Variants in TSPAN17 observed in about 807,000 individuals in gnomAD.
TSPAN17 encodes the protein tetraspanin-17.
TSPAN17 carries 33 observed loss-of-function variants against 40.5 expected under a neutral mutation model. The ratio of observed to expected loss-of-function variants is 0.81; its 90% CI spans 0.62 to 1.09. The LOEUF (loss-of-function observed/expected upper bound fraction) is 1.09. Ranked by LOEUF, TSPAN17 falls within the 50% of genes least tolerant of loss-of-function variation. The pLI is 0.00. For synonymous variants in TSPAN17, 166 were observed against 169.4 expected (o/e 0.98, Z 0.15); for missense variants, 365 against 416.8 (o/e 0.88, Z 1.08).
At position 176,651,882 on chromosome 5, in the gene TSPAN17, C is replaced by T. The variant is rs779414946; in HGVS notation, c.267C>T (p.Asn89=). The T allele has an allele frequency of 6.2e-7, 1 of 1,614,052 alleles. No individual in the cohort carries two copies. Among genetic ancestry groups the T allele is most frequent in the Non-Finnish European group, 8.5e-7 (1 of 1,179,996 alleles). The change falls in exon 3 of 9, where the codon AAC becomes AAT. Residue 89 remains asparagine, a synonymous_variant. Transcript: ENST00000508164. This position sits in a 1 kb window ranked among gnomAD's most constrained non-coding sequence, Gnocchi z 4.5. ...GCTGCATTGGGGCCCTCCGGGAGAACACCTTCCTGCTCAAGTTTGTGAGTG... is the reference window on the plus strand; with the variant it reads ...GCTGCATTGGGGCCCTCCGGGAGAATACCTTCCTGCTCAAGTTTGTGAGTG... ...FAGCIGALRE[N]TFLLKFFSVF... is the part of the protein sequence containing the mutation.
In TSPAN17 at chr5:176,654,628, C is replaced by T. The variant is rs1360109393; in HGVS notation, c.457-267C>T. ...CTGGAGGAAGCCACAGTCATTGAACCAGTATCCTTGTCCCACTCCCTCCCT... is the reference window on the plus strand; with the variant it reads ...CTGGAGGAAGCCACAGTCATTGAACTAGTATCCTTGTCCCACTCCCTCCCT... On this transcript the variant is annotated intron_variant, in intron 4 of 8. Transcript: ENST00000508164. The surrounding 1 kb of genome is among the most constrained non-coding windows in gnomAD (Gnocchi z 4.3). 2 of 460,234 alleles carry T rather than the reference C, an allele frequency of 4.3e-6. No individual in the cohort carries two copies. The highest frequency in any genetic ancestry group is 8.2e-5 in the East Asian group (2 of 24,446). The allele number at this position is 460,234 out of a possible 1,614,324, so 28.5% of individuals were successfully genotyped here. A position where few individuals can be genotyped will look rare whatever the true frequency, so the allele number is the denominator to read the frequency against.
intron 8 of TSPAN17, 57 bp downstream of exon 8, chr5:176,657,013 C>A: frequency 1.3e-6 from 2 of 1,547,968 alleles, no homozygotes; most frequent in Non-Finnish European, 1.8e-6. Context: ...TCTGGGGGGC[C>A]CCCCAGGACC....
rs754879483 is a variant in TSPAN17 at position 176,656,943 on chromosome 5, G to C, written c.796G>C (p.Val266Leu). 9 of 1,613,794 alleles carry C rather than the reference G, an allele frequency of 5.6e-6. No individual in the cohort carries two copies. Residue 266 changes from valine to leucine, a missense_variant, in exon 8 of 9, where the codon GTG becomes CTG. Val to Leu is a conservative substitution (Grantham distance 32, BLOSUM62 1). Transcript: ENST00000508164. ...GAACCTCGTGAGTGACATCAAGGCA[G>C]TGAAAGCCAACTGGTGAGGCCGCCA... ...AQNLVSDIKA[V>L]KANWSKWNDD...
intron 8 of TSPAN17, chr5:176,657,309 T>G: frequency 2.3e-6 from 2 of 854,180 alleles, no homozygotes; most frequent in Non-Finnish European, 3.5e-6. Flanking sequence ...GTGTGGAGGG[T>G]CCCCCCCGTT....
chr5:176,657,137 C>A, intron 8 of TSPAN17, 181 bp downstream of exon 8: 1 of 683,986 alleles, frequency 1.5e-6, no homozygotes, highest in Non-Finnish European at 2.4e-6. Context: ...GTTGCTGTGC[C>A]TCCGCCTGGG....
In TSPAN17 at chr5:176,654,674, C is replaced by A. The variant is rs757448911; in HGVS notation, c.457-221C>A. The A allele has an allele frequency of 5.4e-6, 3 of 551,870 alleles. No individual in the cohort carries two copies. The highest frequency in any genetic ancestry group is 9.6e-6 in the Non-Finnish European group (3 of 310,950). 34.2% of individuals were successfully genotyped at this position (551,870 alleles called of 1,614,324 possible). On this transcript the variant is annotated intron_variant, in intron 4 of 8. Transcript: ENST00000508164. This position sits in a 1 kb window ranked among gnomAD's most constrained non-coding sequence, Gnocchi z 4.3. Reference sequence around the variant, plus strand: ...TCCCTTTTTCTAGCCTCTCTTGGGTCGGGGAAGGGGGAGCTCAGTGTCCCC... The same window carrying A: ...TCCCTTTTTCTAGCCTCTCTTGGGTAGGGGAAGGGGGAGCTCAGTGTCCCC...
chr5:176,656,464 T>G (rs974830365), intron 6 of TSPAN17, among the ~76,000 whole-genome samples: 20 of 151,840 alleles, frequency 1.3e-4, no homozygotes, highest in Admixed American at 3.3e-4. Context: ...CATGTGACAG[T>G]CTCAGCTGAG....
chr5:176,647,643 G>A lies in TSPAN17; in HGVS notation c.28G>A (p.Glu10Lys), dbSNP rs765275328. 1 of 1,597,896 alleles carries A rather than the reference G, an allele frequency of 6.3e-7. No individual in the cohort carries two copies. The highest frequency in any genetic ancestry group is 8.5e-7 in the Non-Finnish European group (1 of 1,173,204). Residue 10 changes from glutamate (E) to lysine (K), a missense_variant, in exon 1 of 9, where the codon GAA becomes AAA. Coordinates refer to ENST00000508164, the MANE Select transcript of TSPAN17 (RefSeq NM_130465.5). ...GCCCGGCAAGCACCAGCATTTCCAGGAACCTGAGGTCGGCTGCTGCGGGAA... is the reference window on the plus strand; with the variant it reads ...GCCCGGCAAGCACCAGCATTTCCAGAAACCTGAGGTCGGCTGCTGCGGGAA... MPGKHQHFQ[E>K]PEVGCCGKYF...
At chr5:176,649,432 C>CT (rs796815885) in intron 1 of TSPAN17, among the ~76,000 whole-genome samples, 7,288 of 143,866 alleles carry the variant, frequency 0.051, 540 homozygotes, top group African/African-American at 0.17. Context: ...TTTCTTTTTT[C>CT]TTTTTTTTTT....
chr5:176,649,774 G>T (rs1272777303), intron 1 of TSPAN17, among the ~76,000 whole-genome samples: 1 of 152,164 alleles, frequency 6.6e-6, no homozygotes, highest in African/African-American at 2.4e-5. Context: ...TCGGCCTCCA[G>T]GGCCCCGCGG....
At chr5:176,649,491 G>A (rs1760881325) in intron 1 of TSPAN17, among the ~76,000 whole-genome samples, 2 of 151,352 alleles carry the variant, frequency 1.3e-5, no homozygotes, top group African/African-American at 2.4e-5. Flanking sequence ...GCAATGGCAC[G>A]ATCTCGGTTC....
rs915968158 is a variant in TSPAN17, at chr5:176,657,904, G to A, written c.*206G>A. The A allele has an allele frequency of 9.0e-6, 8 of 885,426 alleles. No individual in the cohort carries two copies. The highest frequency in any genetic ancestry group is 4.6e-5 in the South Asian group (2 of 43,788). 54.8% of individuals were successfully genotyped at this position (885,426 alleles called of 1,614,324 possible). A position where few individuals can be genotyped will look rare whatever the true frequency, so the allele number is the denominator to read the frequency against. ...TCTGCAGGGTTATTCCCTGCACCTC[G>A]AGGCCGCTGCGGGCCAATCTGGAGT... is the stretch of plus-strand genomic sequence containing the variant. On this transcript the variant is annotated 3_prime_UTR_variant, in exon 9 of 9. Transcript: ENST00000508164.
At chr5:176,649,705 G>T (rs919992145) in intron 1 of TSPAN17, among the ~76,000 whole-genome samples, 1 of 152,146 alleles carries the variant, frequency 6.6e-6, no homozygotes, top group Non-Finnish European at 1.5e-5. Context: ...GGGATTACAG[G>T]CGTGAGCCAC....
chr5:176,652,104 G>A (rs1055773327), intron 3 of TSPAN17, among the ~76,000 whole-genome samples: 2 of 152,104 alleles, frequency 1.3e-5, no homozygotes, highest in African/African-American at 2.4e-5. Flanking sequence ...AATATTTATT[G>A]ACTCAAATAA....
chr5:176,647,947 C>A (rs1760808284), intron 1 of TSPAN17, among the ~76,000 whole-genome samples: 1 of 152,160 alleles, frequency 6.6e-6, no homozygotes, highest in Admixed American at 6.5e-5. Flanking sequence ...CCTAAATAAT[C>A]CCGAGGCCTG....
At chr5:176,656,553 A>G in intron 6 of TSPAN17, 147 bp from the exon 7 acceptor site, 1 of 745,464 alleles carries the variant, frequency 1.3e-6, no homozygotes, top group Non-Finnish European at 2.3e-6. Flanking sequence ...CTGAGACCCC[A>G]TGAGAAGGAG....
chr5:176,656,039 C>G, intron 5 of TSPAN17, 39 bp from the exon 6 acceptor site: 3 of 1,598,400 alleles, frequency 1.9e-6, no homozygotes, highest in Non-Finnish European at 2.6e-6. Context: ...CCATGGGATG[C>G]GTCCTCACCA....
At position 176,654,672 on chromosome 5, in the gene TSPAN17, G is replaced by A. The variant is rs1263639674; in HGVS notation, c.457-223G>A. 3 of 549,608 alleles carry A rather than the reference G, an allele frequency of 5.5e-6. No individual in the cohort carries two copies. The African/African-American group carries it at 5.7e-5, about 11-fold the overall frequency. The allele number at this position is 549,608 out of a possible 1,614,324, so 34.0% of individuals were successfully genotyped here. On this transcript the variant is annotated intron_variant, in intron 4 of 8. Transcript: ENST00000508164. The surrounding 1 kb of genome is among the most constrained non-coding windows in gnomAD (Gnocchi z 4.3). Reference sequence around the variant, plus strand: ...CCTCCCTTTTTCTAGCCTCTCTTGGGTCGGGGAAGGGGGAGCTCAGTGTCC... The same window carrying A: ...CCTCCCTTTTTCTAGCCTCTCTTGGATCGGGGAAGGGGGAGCTCAGTGTCC...
Position 176,651,624 on chromosome 5 carries a change from A to G in TSPAN17, c.96A>G (p.Gly32=), listed in dbSNP as rs1461897012. The change falls in exon 2 of 9, where the codon GGA becomes GGG. Residue 32 remains glycine (G), a synonymous_variant. Transcript: ENST00000508164. This position sits in a 1 kb window ranked among gnomAD's most constrained non-coding sequence, Gnocchi z 4.5. ...FGFNIVFWVL[G]ALFLAIGLWA... ...TGTTGCTGCCCTTGCAGGTGCTGGG[A>G]GCCCTGTTCCTGGCTATCGGCCTCT... is the stretch of plus-strand genomic sequence containing the variant. The G allele has an allele frequency of 1.3e-5, 21 of 1,613,170 alleles. No homozygotes were observed. The highest frequency in any genetic ancestry group is 1.8e-5 in the Non-Finnish European group (21 of 1,179,550).
Sources: allele counts gnomAD v4.1 joint callset (sites outside exome capture counted in the v4.1 genomes callset), GRCh38; gene constraint gnomAD v4.1.1; non-coding constraint Gnocchi (gnomAD v3.1); transcripts MANE v1.5; gene names NCBI Gene and HGNC (gene_info 2026-07-23, HGNC 2026-07-21).